Variants in LIMCH1 observed in about 807,000 individuals in gnomAD.
The protein encoded by LIMCH1 is LIM and calponin homology domains 1.
LIMCH1 carries 113 observed loss-of-function variants against 176.5 expected under a neutral mutation model. That is an observed-to-expected ratio of 0.64 (90% CI 0.55 to 0.75). The LOEUF is 0.75. LIMCH1 is among the 30% of genes least tolerant of loss of function. The pLI is 0.00. For missense variants in LIMCH1, 1,674 were observed against 1,814.9 expected (o/e 0.92, Z 1.41); for synonymous variants, 619 against 645.9 (o/e 0.96, Z 0.63).
At chr4:41,629,807 C>T in intron 9 of LIMCH1, 73 bp downstream of exon 9, 1 of 1,364,284 alleles carries the variant, frequency 7.3e-7, no homozygotes, top group Non-Finnish European at 9.7e-7. Context: ...AAATGCTTAT[C>T]TTTGTGTCTT....
intron 1 of LIMCH1, among the ~76,000 whole-genome samples, chr4:41,457,455 A>AT (rs910391315): frequency 1.3e-5 from 2 of 152,048 alleles, no homozygotes; most frequent in Admixed American, 6.6e-5. Context: ...TTTTTTGAGC[A>AT]TTTTTTCTGT....
chr4:41,563,647 C>G (rs896602460), intron 1 of LIMCH1, among the ~76,000 whole-genome samples: 1 of 152,126 alleles, frequency 6.6e-6, no homozygotes, highest in African/African-American at 2.4e-5. Context: ...AGCAACTGTG[C>G]TTTGGAGAAC....
intron 2 of LIMCH1, among the ~76,000 whole-genome samples, chr4:41,518,090 A>G (rs1295476688): frequency 6.6e-6 from 1 of 152,190 alleles, no homozygotes; most frequent in African/African-American, 2.4e-5. Flanking sequence ...TTCTTCCCGA[A>G]ACTCTAGGAT....
At chr4:41,468,204 C>T (rs978442535) in intron 1 of LIMCH1, among the ~76,000 whole-genome samples, 4 of 151,706 alleles carry the variant, frequency 2.6e-5, no homozygotes, top group South Asian at 2.1e-4. Context: ...CTCAACTGGC[C>T]GGCCTGCCTT....
At chr4:41,432,529 A>G (rs1033076923) in intron 1 of LIMCH1, among the ~76,000 whole-genome samples, 1 of 152,124 alleles carries the variant, frequency 6.6e-6, no homozygotes, top group African/African-American at 2.4e-5. Flanking sequence ...TTATTCTCTC[A>G]TTTTTCTCAT....
chr4:41,373,696 T>C (rs1019796895), intron 1 of LIMCH1, among the ~76,000 whole-genome samples: 21 of 152,210 alleles, frequency 1.4e-4, no homozygotes, highest in African/African-American at 4.1e-4. Context: ...GAGCTGATCT[T>C]CAAACTCATG....
chr4:41,599,041 AT>A lies in LIMCH1; in HGVS notation c.-134+18del. On this transcript the variant is annotated intron_variant, in intron 2 of 31. Transcript: ENST00000503057. ...GTAACAGTCAAGTAAGTAAAGCGTG[AT>A]TTATGTTTAAGGGAAACTCCTTTAT... 6.7e-7 allele frequency: 1 copy of A among 1,499,520 alleles called. No individual in the cohort carries two copies. The highest frequency in any genetic ancestry group is 9.3e-7 in the Non-Finnish European group (1 of 1,077,126). The allele number at this position is 1,499,520 out of a possible 1,614,324, so 92.9% of individuals were successfully genotyped here.
rs1344871873 is a variant in LIMCH1 at position 41,419,656 on chromosome 4, C to T, written c.96+58720C>T. ...CTTCCTCCTTCCTTTCTTCCTCCTT[C>T]CTTCCTTCCTTCCTTCCTTCCTTCC... On this transcript the variant is annotated intron_variant, in intron 1 of 26. Transcript: ENST00000313860. Among the ~76,000 whole-genome samples, 4 of 68,732 alleles carry T rather than the reference C, an allele frequency of 5.8e-5. 1 individual carries two copies. Among genetic ancestry groups the T allele is most frequent in the Non-Finnish European group, 1.0e-4 (4 of 39,318 alleles). 45.1% of individuals were successfully genotyped at this position (68,732 alleles called of 152,430 possible).
intron 1 of LIMCH1, among the ~76,000 whole-genome samples, chr4:41,577,708 TGTGAGCTACCAC>T (rs1312887047): frequency 1.3e-5 from 2 of 152,182 alleles, no homozygotes; most frequent in African/African-American, 4.8e-5. Context: ...AGATTACAAG[TGTGAGCTACCAC>T]GCCTTGCCAC....
At position 41,451,770 on chromosome 4, in the gene LIMCH1, C is replaced by T. The variant is rs1469329578; in HGVS notation, c.97-42766C>T. On this transcript the variant is annotated intron_variant, in intron 1 of 26. Transcript: ENST00000313860. Reference sequence around the variant, plus strand: ...TTGTTACTTTAGTTCTCAGTTAAAACCTCTACCTTCGGGGTAGCACTGTAT... The same window carrying T: ...TTGTTACTTTAGTTCTCAGTTAAAATCTCTACCTTCGGGGTAGCACTGTAT... Among the ~76,000 whole-genome samples, 9 of 152,360 alleles carry T rather than the reference C, an allele frequency of 5.9e-5. No homozygotes were observed. The East Asian group carries it at 1.7e-3, about 29-fold the overall frequency.
intron 26 of LIMCH1, among the ~76,000 whole-genome samples, chr4:41,683,587 G>C (rs1435897504): frequency 6.6e-6 from 1 of 152,224 alleles, no homozygotes; most frequent in Non-Finnish European, 1.5e-5. Flanking sequence ...AAGGCTAAGT[G>C]TCATTTTCAA....
chr4:41,450,432 C>T (rs10025694), intron 1 of LIMCH1, among the ~76,000 whole-genome samples: 42,573 of 151,686 alleles, frequency 0.28, 8,536 homozygotes, highest in African/African-American at 0.56. Flanking sequence ...ACTTCATGAG[C>T]GTCTGTGGAG....
At chr4:41,663,912 G>A (rs928230139) in intron 20 of LIMCH1, among the ~76,000 whole-genome samples, 2 of 150,774 alleles carry the variant, frequency 1.3e-5, no homozygotes, top group African/African-American at 2.4e-5. Context: ...ATGGTGGTGA[G>A]TGCCTGTAAT....
chr4:41,621,312 C>G (rs147302039), intron 7 of LIMCH1, among the ~76,000 whole-genome samples: 2,370 of 152,190 alleles, frequency 0.016, 27 homozygotes, highest in Middle Eastern at 0.034. Flanking sequence ...AGATGGAGAC[C>G]TTCAGCAATC....
intron 31 of LIMCH1, chr4:41,693,299 G>A (rs1727795423): frequency 6.6e-6 from 1 of 152,152 alleles, no homozygotes; most frequent in African/African-American, 2.4e-5. Flanking sequence ...CTTTTTACAT[G>A]GATCTCAAAT....
chr4:41,371,996 T>C (rs1485864755), intron 1 of LIMCH1, among the ~76,000 whole-genome samples: 2 of 152,208 alleles, frequency 1.3e-5, no homozygotes, highest in Non-Finnish European at 2.9e-5. Context: ...TACCACCAAA[T>C]AGCAGTAGTT....
chr4:41,490,987 G>A (rs2070764051), intron 1 of LIMCH1, among the ~76,000 whole-genome samples: 1 of 150,882 alleles, frequency 6.6e-6, no homozygotes, highest in South Asian at 2.1e-4. Context: ...GCCGGGCAGA[G>A]GTGCTCCTCA....
At chr4:41,606,980 G>A (rs2090814024) in intron 4 of LIMCH1, among the ~76,000 whole-genome samples, 1 of 152,116 alleles carries the variant, frequency 6.6e-6, no homozygotes, top group Admixed American at 6.5e-5. Context: ...TGTATTTTTA[G>A]TGGAGACAGG....
chr4:41,419,888 A>G (rs1354172796), intron 1 of LIMCH1, among the ~76,000 whole-genome samples: 1 of 151,366 alleles, frequency 6.6e-6, no homozygotes, highest in Non-Finnish European at 1.5e-5. Context: ...AGCATTGAGG[A>G]TATAACTTCG....
Sources: allele counts gnomAD v4.1 joint callset (sites outside exome capture counted in the v4.1 genomes callset), GRCh38; gene constraint gnomAD v4.1.1; transcripts MANE v1.5; gene names NCBI Gene and HGNC (gene_info 2026-07-23, HGNC 2026-07-21).